MRE11: variants seen among roughly 807,000 people sequenced by gnomAD.
The protein encoded by MRE11 is MRE11 double strand break repair nuclease.
In MRE11, 62 loss-of-function variants were observed where a neutral mutation model predicts 91.7. The observed-to-expected ratio is 0.68, with a 90% CI of 0.55 to 0.84. The LOEUF is 0.84. Among genes scored for constraint, MRE11 ranks in the 40% least tolerant of loss-of-function variants. The probability of loss-of-function intolerance (pLI) is 0.00; values close to 1 mark genes in which losing one functional copy is unlikely to be tolerated. For synonymous variants in MRE11, 273 were observed against 271.4 expected, an observed-to-expected ratio of 1.01 and a Z score of -0.06; for missense variants, 796 against 852.9, an observed-to-expected ratio of 0.93 and a Z score of 0.83.
Position 94,482,341 on chromosome 11 carries a change from G to A in MRE11, c.315-2580C>T, listed in dbSNP as rs187928214. On this transcript the variant is annotated intron_variant, in intron 4 of 19. Transcript: ENST00000323929. Reference sequence around the variant, plus strand: ...TGACAGAACCAGGATTTGAACTCCAGCTGTTTTATACCGGAACCCATGCTC... The same window carrying A: ...TGACAGAACCAGGATTTGAACTCCAACTGTTTTATACCGGAACCCATGCTC... Among the ~76,000 whole-genome samples the A allele has an allele frequency of 7.6e-3, 1,150 of 152,310 alleles. 12 individuals are homozygous for A. Among genetic ancestry groups the A allele is most frequent in the African/African-American group, 0.025 (1,052 of 41,556 alleles).
At chr11:94,436,368 C>T (rs965779349) in intron 17 of MRE11, among the ~76,000 whole-genome samples, 1 of 152,162 alleles carries the variant, frequency 6.6e-6, no homozygotes, top group African/African-American at 2.4e-5. Flanking sequence ...ACTGTTGATT[C>T]TACCACCCAA....
intron 14 of MRE11, among the ~76,000 whole-genome samples, chr11:94,450,121 T>C (rs984363745): frequency 6.6e-6 from 1 of 152,244 alleles, no homozygotes; most frequent in Non-Finnish European, 1.5e-5. Context: ...AAAGTGCTAC[T>C]GGCTATGAGT....
intron 10 of MRE11, among the ~76,000 whole-genome samples, chr11:94,464,638 G>A (rs554188326): frequency 3.3e-5 from 5 of 152,178 alleles, no homozygotes; most frequent in African/African-American, 1.2e-4. Flanking sequence ...TTAGTAAATT[G>A]GTCTATCATC....
intron 10 of MRE11, among the ~76,000 whole-genome samples, chr11:94,464,771 C>T (rs1946517765): frequency 6.6e-6 from 1 of 152,184 alleles, no homozygotes; most frequent in Non-Finnish European, 1.5e-5. Context: ...CTGAGAACTT[C>T]TCTCAAGGTA....
At chr11:94,492,038 C>T (rs1759443525) in intron 2 of MRE11, among the ~76,000 whole-genome samples, 1 of 152,168 alleles carries the variant, frequency 6.6e-6, no homozygotes, top group Admixed American at 6.5e-5. Flanking sequence ...TGAGGCAAGG[C>T]TCAGAGAACT....
Position 94,427,771 on chromosome 11 carries a change from GAAC to G in MRE11, c.2070+2137_2070+2139del, listed in dbSNP as rs201512951. On this transcript the variant is annotated intron_variant, in intron 19 of 19. Coordinates refer to ENST00000323929, the MANE Select transcript of MRE11 (RefSeq NM_005591.4). ...ACGTTCAAGCTGAGAGTCAAATCAAGAACAACACAATCCCATTTACAATAGCTA... is the reference window on the plus strand; with the variant it reads ...ACGTTCAAGCTGAGAGTCAAATCAAGAACACAATCCCATTTACAATAGCTA... 5.5e-3 allele frequency among the ~76,000 whole-genome samples: 836 copies of G among 151,704 alleles called. 14 individuals are homozygous for G. The highest frequency in any genetic ancestry group is 0.019 in the African/African-American group (799 of 41,388).
Position 94,461,040 on chromosome 11 carries a change from G to GA in MRE11, c.1226-5dup. The GA allele has an allele frequency of 6.2e-7, 1 of 1,606,130 alleles. No individual in the cohort carries two copies. Among genetic ancestry groups the GA allele is most frequent in the South Asian group, 1.1e-5 (1 of 90,540 alleles). ...TTCCCAAAGTTGATCTCTTCTCCTA[G>GA]AAAAAAAGAAGTATATCAAAAAATA... On this transcript the variant is annotated splice_region_variant and splice_polypyrimidine_tract_variant and intron_variant, in intron 11 of 19. Transcript: ENST00000323929.
intron 6 of MRE11, among the ~76,000 whole-genome samples, chr11:94,477,021 G>C (rs1001625598): frequency 8.5e-5 from 13 of 152,184 alleles, no homozygotes; most frequent in Admixed American, 8.5e-4. Context: ...CGCCTGGCCT[G>C]TTCCAGGTTC....
intron 3 of MRE11, 104 bp downstream of exon 3, chr11:94,490,729 G>GTTTA: frequency 7.5e-7 from 1 of 1,330,422 alleles, no homozygotes; most frequent in South Asian, 1.2e-5. Context: ...AGCAGGCAAG[G>GTTTA]TAAGCACCTG....
intron 17 of MRE11, among the ~76,000 whole-genome samples, chr11:94,436,290 T>A (rs1214588055): frequency 6.6e-6 from 1 of 152,214 alleles, no homozygotes; most frequent in Admixed American, 6.5e-5. Flanking sequence ...ATACTAGATA[T>A]CTTTCTGTTA....
the MRE11 span, among the ~76,000 whole-genome samples, chr11:94,508,909 G>A: frequency 6.6e-6 from 1 of 151,894 alleles, no homozygotes; most frequent in East Asian, 1.9e-4. Context: ...TTACAGGCAC[G>A]CACCACCACA....
At position 94,476,324 on chromosome 11, in the gene MRE11, G is replaced by A. The variant is rs1238614630; in HGVS notation, c.624C>T (p.Asn208=). The A allele has an allele frequency of 1.2e-6, 2 of 1,613,236 alleles. No homozygotes were observed. Among genetic ancestry groups the A allele is most frequent in the Non-Finnish European group, 1.7e-6 (2 of 1,179,454 alleles). Residue 208 remains asparagine (N), a synonymous_variant, in exon 7 of 20, where the codon AAC becomes AAT. Coordinates refer to ENST00000323929, the MANE Select transcript of MRE11 (RefSeq NM_005591.4). ...GAATCACAAATAAGTTAAACCAAGA[G>A]TTCTCATCTTCCTTTGGTCTCAACA... The part of the protein sequence containing the change: ...VTMLRPKEDE[N]SWFNLFVIHQ...
rs766451752 is a variant in MRE11 at position 94,470,563 on chromosome 11, T to G, written c.925A>C (p.Met309Leu). 6.2e-7 allele frequency: 1 copy of G among 1,613,314 alleles called. No homozygotes were observed. Among genetic ancestry groups the G allele is most frequent in the South Asian group, 1.1e-5 (1 of 91,062 alleles). Residue 309 changes from methionine (M) to leucine (L), a missense_variant, in exon 9 of 20, where the codon ATG becomes CTG. Met to Leu is a conservative substitution (Grantham distance 15). Coordinates refer to ENST00000323929, the MANE Select transcript of MRE11 (RefSeq NM_005591.4). The stretch of plus-strand genomic sequence containing the variant: ...TGATTAGCTAGAACAATATCCTCCA[T>G]GAAAAACTGCCGCACTGTGTGAAGA... ...IPLHTVRQFF[M>L]EDIVLANHPD...
rs1945128619 is a variant in MRE11 at position 94,420,055 on chromosome 11, T to C, written c.*70A>G. 2 of 1,278,058 alleles carry C rather than the reference T, an allele frequency of 1.6e-6. No homozygotes were observed. The highest frequency in any genetic ancestry group is 2.2e-6 in the Non-Finnish European group (2 of 890,428). 79.2% of individuals were successfully genotyped at this position (1,278,058 alleles called of 1,614,324 possible). A position where few individuals can be genotyped will look rare whatever the true frequency, so the allele number is the denominator to read the frequency against. On this transcript the variant is annotated 3_prime_UTR_variant, in exon 20 of 20. Coordinates refer to ENST00000323929, the MANE Select transcript of MRE11 (RefSeq NM_005591.4). ...GGAAACAATACTTAAAATCTTAAACTGTAAACTCTTAGCTTGTAACATTTT... is the reference window on the plus strand; with the variant it reads ...GGAAACAATACTTAAAATCTTAAACCGTAAACTCTTAGCTTGTAACATTTT...
At chr11:94,444,688 C>A (rs1167350829) in intron 16 of MRE11, among the ~76,000 whole-genome samples, 1 of 152,200 alleles carries the variant, frequency 6.6e-6, no homozygotes, top group Non-Finnish European at 1.5e-5. Context: ...CCTCTCACAA[C>A]TCTACTTGTG....
intron 18 of MRE11, among the ~76,000 whole-genome samples, chr11:94,431,977 TAG>T (rs977408543): frequency 6.6e-6 from 1 of 151,618 alleles, no homozygotes; most frequent in Non-Finnish European, 1.5e-5. Flanking sequence ...AAAAAAAACT[TAG>T]AAAGCTAGAT....
intron 3 of MRE11, 122 bp downstream of exon 3, chr11:94,490,711 G>T: frequency 1.8e-6 from 2 of 1,107,626 alleles, no homozygotes; most frequent in Non-Finnish European, 2.7e-6. Context: ...TCAGTATATT[G>T]ATATTCAAGC....
At chr11:94,472,572 A>C (rs532322405) in intron 7 of MRE11, among the ~76,000 whole-genome samples, 1 of 152,246 alleles carries the variant, frequency 6.6e-6, no homozygotes, top group East Asian at 1.9e-4. Context: ...CAAGCAATGC[A>C]GGTTGAGTCC....
At chr11:94,470,209 T>C (rs942561892) in intron 9 of MRE11, among the ~76,000 whole-genome samples, 6 of 152,026 alleles carry the variant, frequency 3.9e-5, no homozygotes, top group Non-Finnish European at 7.4e-5. Flanking sequence ...GAAAAGATTA[T>C]GTATTATGTT....
Sources: gnomAD v4.1 joint callset for allele counts (sites outside exome capture counted in the v4.1 genomes callset) on GRCh38, gnomAD v4.1.1 for gene constraint, MANE v1.5 for transcripts, NCBI Gene and HGNC (gene_info 2026-07-23, HGNC 2026-07-21) for gene names.